The following ADAMTSL3 variants were observed in gnomAD, a reference collection of about 807,000 sequenced individuals.
ADAMTSL3 encodes the protein ADAMTS like 3, also known as ADAMTS-like protein 3.
Under a neutral mutation model 201.7 loss-of-function variants are expected in ADAMTSL3, and 128 were observed. That is an observed-to-expected ratio of 0.63 (90% CI 0.55 to 0.73). ADAMTSL3 has a LOEUF of 0.73. Ranked by LOEUF, ADAMTSL3 falls within the 30% of genes least tolerant of loss-of-function variation. The pLI is 0.00. For missense variants in ADAMTSL3, 1,990 were observed against 2,119.6 expected (o/e 0.94, Z 1.20); for synonymous variants, 738 against 748.4 (o/e 0.99, Z 0.23).
intron 7 of ADAMTSL3, among the ~76,000 whole-genome samples, chr15:83,850,254 A>T (rs1294377890): frequency 6.6e-6 from 1 of 151,942 alleles, no homozygotes; most frequent in South Asian, 2.1e-4. Context: ...TCTGCATTCC[A>T]GCTCCTCTGT....
intron 23 of ADAMTSL3, among the ~76,000 whole-genome samples, chr15:84,005,164 C>G (rs2067871776): frequency 6.6e-6 from 1 of 152,156 alleles, no homozygotes; most frequent in South Asian, 2.1e-4. Context: ...GATGTCACCC[C>G]AAGACACCAG....
chr15:83,784,435 T>C (rs778923078), intron 4 of ADAMTSL3, among the ~76,000 whole-genome samples: 2 of 152,192 alleles, frequency 1.3e-5, no homozygotes, highest in Non-Finnish European at 1.5e-5. Flanking sequence ...ACCCTATGTA[T>C]AGCAATAATC....
At chr15:83,871,200 A>G (rs564599454) in intron 9 of ADAMTSL3, among the ~76,000 whole-genome samples, 1 of 152,202 alleles carries the variant, frequency 6.6e-6, no homozygotes, top group Non-Finnish European at 1.5e-5. Context: ...TTGATTCTGT[A>G]TTTATAATCT....
At chr15:83,885,441 C>CA (rs1319354132) in intron 10 of ADAMTSL3, among the ~76,000 whole-genome samples, 2,298 of 128,812 alleles carry the variant, frequency 0.018, 27 homozygotes, top group African/African-American at 0.044. Context: ...TACTTTTAGC[C>CA]AAAAAAAAAA....
At chr15:83,774,372 G>A (rs148489767) in intron 4 of ADAMTSL3, among the ~76,000 whole-genome samples, 4 of 152,392 alleles carry the variant, frequency 2.6e-5, no homozygotes, top group Non-Finnish European at 5.9e-5. Flanking sequence ...TCAAGATACA[G>A]AGTAGAAATG....
intron 6 of ADAMTSL3, among the ~76,000 whole-genome samples, chr15:83,836,935 GAAGA>G (rs2064282491): frequency 2.0e-5 from 3 of 152,130 alleles, no homozygotes; most frequent in African/African-American, 7.2e-5. Flanking sequence ...GGGAAGGAAG[GAAGA>G]GATAAACCAT....
chr15:83,792,419 C>A (rs1159829105), intron 4 of ADAMTSL3, among the ~76,000 whole-genome samples: 3 of 152,104 alleles, frequency 2.0e-5, no homozygotes, highest in Admixed American at 6.5e-5. Context: ...GAAAAGGGAA[C>A]CCTTGCACCC....
chr15:83,852,895 C>A (rs1039549009), intron 7 of ADAMTSL3, among the ~76,000 whole-genome samples: 1 of 152,034 alleles, frequency 6.6e-6, no homozygotes, highest in Non-Finnish European at 1.5e-5. Flanking sequence ...CTCACTCTGT[C>A]GCCCAGGCTG....
intron 23 of ADAMTSL3, among the ~76,000 whole-genome samples, chr15:84,006,866 G>A (rs548114761): frequency 6.6e-6 from 1 of 152,322 alleles, no homozygotes; most frequent in Admixed American, 6.5e-5. Flanking sequence ...TGTGGGGTAG[G>A]AGAGGGAGTT....
At chr15:83,755,588 C>A (rs373765694) in intron 3 of ADAMTSL3, among the ~76,000 whole-genome samples, 1 of 152,126 alleles carries the variant, frequency 6.6e-6, no homozygotes, top group East Asian at 1.9e-4. Context: ...AGCCTGTGCC[C>A]GAATTTCATT....
chr15:83,800,188 A>G (rs1352146833), intron 4 of ADAMTSL3, among the ~76,000 whole-genome samples: 1 of 152,152 alleles, frequency 6.6e-6, no homozygotes, highest in African/African-American at 2.4e-5. Flanking sequence ...CTTTATATCC[A>G]TATCCTGGTA....
intron 2 of ADAMTSL3, among the ~76,000 whole-genome samples, chr15:83,660,143 A>G (rs992507470): frequency 6.6e-6 from 1 of 152,146 alleles, no homozygotes; most frequent in East Asian, 1.9e-4. Context: ...CCCAGGTGCA[A>G]TCATAGGGGC....
At chr15:83,783,857 G>GTGTC (rs1394282406) in intron 4 of ADAMTSL3, among the ~76,000 whole-genome samples, 1 of 151,750 alleles carries the variant, frequency 6.6e-6, no homozygotes, top group African/African-American at 2.4e-5. Context: ...GTGTGTGTGT[G>GTGTC]TGTGTGTGTC....
intron 6 of ADAMTSL3, among the ~76,000 whole-genome samples, chr15:83,821,496 C>T (rs1271284321): frequency 6.6e-6 from 1 of 151,524 alleles, no homozygotes; most frequent in Non-Finnish European, 1.5e-5. Context: ...CGTCTTGCAC[C>T]GCCCTTAATC....
chr15:83,889,852 A>G lies in ADAMTSL3; in HGVS notation c.1073-257A>G, dbSNP rs539170777. On this transcript the variant is annotated intron_variant, in intron 10 of 29. Transcript: ENST00000286744. ...CCACGCATTTTAGTCATCTGAGAAG[A>G]ACCTGAGAATCTTTTTAAAAAGATA... 1.2e-4 allele frequency among the ~76,000 whole-genome samples: 18 copies of G among 152,242 alleles called. 1 individual carries two copies. In the South Asian group the frequency reaches 3.7e-3, roughly 32 times the overall value.
At chr15:83,954,808 A>G (rs1233791879) in intron 19 of ADAMTSL3, among the ~76,000 whole-genome samples, 5 of 152,128 alleles carry the variant, frequency 3.3e-5, no homozygotes, top group African/African-American at 9.7e-5. Context: ...CTCTTCCTTT[A>G]CTTTCTCCCA....
chr15:83,843,499 G>A (rs1208561898), intron 7 of ADAMTSL3, among the ~76,000 whole-genome samples: 2 of 152,186 alleles, frequency 1.3e-5, no homozygotes, highest in East Asian at 3.8e-4. Context: ...AAACTGACCA[G>A]CTGAAGCTGT....
intron 6 of ADAMTSL3, among the ~76,000 whole-genome samples, chr15:83,837,566 A>T (rs1428069811): frequency 6.6e-6 from 1 of 152,126 alleles, no homozygotes; most frequent in East Asian, 1.9e-4. Flanking sequence ...GGATCACTTG[A>T]GCCCAGGAAT....
At chr15:84,026,929 G>A (rs898926476) in intron 27 of ADAMTSL3, among the ~76,000 whole-genome samples, 1 of 152,098 alleles carries the variant, frequency 6.6e-6, no homozygotes, top group African/African-American at 2.4e-5. Flanking sequence ...AAATTGGACT[G>A]CATCAAAATT....
Sources: gnomAD v4.1 joint callset for allele counts (sites outside exome capture counted in the v4.1 genomes callset) on GRCh38, gnomAD v4.1.1 for gene constraint, MANE v1.5 for transcripts, NCBI Gene and HGNC (gene_info 2026-07-23, HGNC 2026-07-21) for gene names.